Variants in PRR33 observed in about 807,000 individuals in gnomAD.
PRR33 encodes proline rich 33, also known as proline-rich protein 33.
A neutral mutation model predicts 0.5 loss-of-function variants in PRR33; 1 was observed. The observed-to-expected ratio is 2.18, with a 90% CI of 0.77 to 10.34. The LOEUF is 10.34. Among genes scored for constraint, PRR33 ranks in the 30% most tolerant of loss-of-function variants. PRR33 has a pLI of 0.13. For synonymous variants in PRR33, 226 were observed against 110.0 expected (o/e 2.06, Z -6.60); for missense variants, 552 against 251.8 (o/e 2.19, Z -8.07).
the PRR33 span, among the ~76,000 whole-genome samples, chr11:1,915,139 C>CTGTGTGTGTG: frequency 0.065 from 8,358 of 128,366 alleles, 347 homozygotes; most frequent in Non-Finnish European, 0.09. Flanking sequence ...GATGATGTTT[C>CTGTGTGTGTG]TGTGTGTGTG....
the PRR33 span, among the ~76,000 whole-genome samples, chr11:1,899,141 G>A: frequency 1.3e-5 from 2 of 152,034 alleles, no homozygotes; most frequent in African/African-American, 4.8e-5. Flanking sequence ...TCCCTTTTTA[G>A]TTCTATTATT....
At chr11:1,904,258 G>A in the PRR33 span, among the ~76,000 whole-genome samples, 1 of 152,246 alleles carries the variant, frequency 6.6e-6, no homozygotes, top group African/African-American at 2.4e-5. Context: ...GCCGGGCGCA[G>A]TGGCTCACGC....
At chr11:1,910,216 C>T in the PRR33 span, among the ~76,000 whole-genome samples, 4 of 152,182 alleles carry the variant, frequency 2.6e-5, no homozygotes, top group Non-Finnish European at 5.9e-5. Context: ...GAGGGATGCA[C>T]CCTGCACGCT....
the PRR33 span, among the ~76,000 whole-genome samples, chr11:1,904,739 C>T: frequency 3.7e-4 from 56 of 151,648 alleles, no homozygotes; most frequent in African/African-American, 1.3e-3. Flanking sequence ...GAACTCCTGA[C>T]CTCAGGTGAT....
upstream of PRR33, among the ~76,000 whole-genome samples, chr11:1,894,636 C>T (rs1849104342): frequency 6.6e-6 from 1 of 152,144 alleles, no homozygotes; most frequent in Non-Finnish European, 1.5e-5. Flanking sequence ...GAGATCCATG[C>T]TTGCTGCTGT....
At chr11:1,894,797 G>A (rs1049468916), upstream of PRR33, among the ~76,000 whole-genome samples, 5 of 152,184 alleles carry the variant, frequency 3.3e-5, no homozygotes, top group Admixed American at 2.0e-4. Flanking sequence ...GTTTTCAGAA[G>A]GACATACATT....
the PRR33 span, among the ~76,000 whole-genome samples, chr11:1,903,945 T>C: frequency 2.6e-5 from 4 of 152,218 alleles, no homozygotes; most frequent in East Asian, 5.8e-4. Flanking sequence ...GGCCTCTAAC[T>C]GCATCCAAGC....
the PRR33 span, among the ~76,000 whole-genome samples, chr11:1,905,583 C>T: frequency 3.3e-5 from 5 of 151,790 alleles, no homozygotes; most frequent in African/African-American, 7.3e-5. Context: ...GGATTATAGG[C>T]GTGTGCCACC....
the PRR33 span, among the ~76,000 whole-genome samples, chr11:1,914,149 T>C: frequency 6.6e-6 from 1 of 152,270 alleles, no homozygotes; most frequent in African/African-American, 2.4e-5. Flanking sequence ...GACTCCCATG[T>C]GCAGGCCTGC....
the PRR33 span, among the ~76,000 whole-genome samples, chr11:1,916,263 C>A: frequency 1.3e-5 from 2 of 152,132 alleles, no homozygotes; most frequent in Non-Finnish European, 2.9e-5. Context: ...GCACCCCAGA[C>A]TCTGATGTTC....
chr11:1,905,754 A>G, the PRR33 span, among the ~76,000 whole-genome samples: 1 of 151,094 alleles, frequency 6.6e-6, no homozygotes, highest in Non-Finnish European at 1.5e-5. Context: ...ACACCTGGCC[A>G]GTTAAACCAT....
the PRR33 span, chr11:1,903,172 G>C: frequency 2.0e-5 from 3 of 152,196 alleles, no homozygotes; most frequent in Non-Finnish European, 4.4e-5. Context: ...CCCAGCCCCT[G>C]TTCAAGATGG....
chr11:1,896,643 C>G (rs1477784107), upstream of PRR33, among the ~76,000 whole-genome samples: 1 of 151,962 alleles, frequency 6.6e-6, no homozygotes, highest in East Asian at 1.9e-4. Context: ...CTTTTGGGGG[C>G]CTAATTGCAC....
At chr11:1,917,490 C>T in the PRR33 span, among the ~76,000 whole-genome samples, 1 of 152,250 alleles carries the variant, frequency 6.6e-6, no homozygotes, top group South Asian at 2.1e-4. Flanking sequence ...CCTCAGACTC[C>T]TCCTGGGTGG....
the PRR33 span, among the ~76,000 whole-genome samples, chr11:1,917,335 C>T: frequency 6.6e-5 from 10 of 152,196 alleles, no homozygotes; most frequent in Non-Finnish European, 1.5e-4. Flanking sequence ...GCCACCCAGG[C>T]AGGGAGCTGC....
the PRR33 span, among the ~76,000 whole-genome samples, chr11:1,914,101 AC>A: frequency 6.6e-6 from 1 of 152,218 alleles, no homozygotes; most frequent in African/African-American, 2.4e-5. Context: ...CCTGTGCATT[AC>A]CCAATGAACA....
the PRR33 span, among the ~76,000 whole-genome samples, chr11:1,906,169 G>A: frequency 6.6e-6 from 1 of 152,060 alleles, no homozygotes; most frequent in Non-Finnish European, 1.5e-5. Flanking sequence ...GATATTTAAT[G>A]TGCTTACTGG....
chr11:1,890,834 A>G lies in PRR33; in HGVS notation c.-250T>C. The stretch of plus-strand genomic sequence containing the variant: ...CCACAGAGGCCGAGTCCCTCCAGGG[A>G]TGGGGCTAGAACCTGCCTCCAGGGC... On this transcript the variant is annotated 5_prime_UTR_variant, in exon 1 of 1. Transcript: ENST00000640310. 9 of 560,634 alleles carry G rather than the reference A, an allele frequency of 1.6e-5. No homozygotes were observed. The South Asian group carries it at 1.8e-4, about 11-fold the overall frequency. The allele number at this position is 560,634 out of a possible 1,614,324, so 34.7% of individuals were successfully genotyped here. A position where few individuals can be genotyped will look rare whatever the true frequency, so the allele number is the denominator to read the frequency against.
chr11:1,913,988 C>G, the PRR33 span, among the ~76,000 whole-genome samples: 1 of 152,262 alleles, frequency 6.6e-6, no homozygotes, highest in African/African-American at 2.4e-5. Flanking sequence ...CTGCTTGCCT[C>G]CTGTCCATTT....
Sources: allele counts gnomAD v4.1 joint callset (sites outside exome capture counted in the v4.1 genomes callset), GRCh38; gene constraint gnomAD v4.1.1; transcripts MANE v1.5; gene names NCBI Gene and HGNC (gene_info 2026-07-23, HGNC 2026-07-21).